The following TXLNA variants were observed in gnomAD, a reference collection of about 807,000 sequenced individuals.
The protein encoded by TXLNA is alpha-taxilin.
Under a neutral mutation model 61.4 loss-of-function variants are expected in TXLNA, and 9 were observed. That is an observed-to-expected ratio of 0.15 (90% CI 0.09 to 0.26). TXLNA has a LOEUF of 0.26. TXLNA is among the 10% of genes least tolerant of loss of function. TXLNA has a pLI of 1.00. For synonymous variants in TXLNA, 257 were observed against 267.7 expected (o/e 0.96, Z 0.39); for missense variants, 565 against 688.8 (o/e 0.82, Z 2.01).
intron 6 of TXLNA, 65 bp downstream of exon 6, chr1:32,190,314 C>G (rs1642878419): frequency 6.8e-7 from 1 of 1,460,904 alleles, no homozygotes; most frequent in Non-Finnish European, 9.3e-7. Context: ...GTGCTAGGCA[C>G]TGGGACAGTA....
Position 32,192,258 on chromosome 1 carries a change from C to T in TXLNA, c.964-53C>T. On this transcript the variant is annotated intron_variant, in intron 6 of 10. Coordinates refer to ENST00000373610, the MANE Select transcript of TXLNA (RefSeq NM_175852.4). The surrounding 1 kb of genome is among the most constrained non-coding windows in gnomAD (Gnocchi z 4.2). ...CCCTGGTCTGTGGCTGTGGGGCTAC[C>T]CTGAGAAAGGGAGCGCCTGACAAGC... is the stretch of plus-strand genomic sequence containing the variant. 1 of 1,603,556 alleles carries T rather than the reference C, an allele frequency of 6.2e-7. No homozygotes were observed. Among genetic ancestry groups the T allele is most frequent in the South Asian group, 1.1e-5 (1 of 90,012 alleles).
At chr1:32,180,660 C>A in intron 2 of TXLNA, 146 bp downstream of exon 2, 1 of 1,090,792 alleles carries the variant, frequency 9.2e-7, no homozygotes, top group Non-Finnish European at 1.3e-6. Context: ...GTCCCCCCTG[C>A]GCTCTGGCGA....
chr1:32,190,384 T>C (rs1410007067), intron 6 of TXLNA, 135 bp downstream of exon 6: 2 of 852,276 alleles, frequency 2.3e-6, no homozygotes, highest in East Asian at 2.8e-5. Context: ...GGGAGGAGAG[T>C]AATGTTATTC....
intron 3 of TXLNA, among the ~76,000 whole-genome samples, chr1:32,184,036 C>T (rs987585613): frequency 1.3e-5 from 2 of 152,208 alleles, no homozygotes; most frequent in African/African-American, 4.8e-5. Flanking sequence ...CTTGCCTGGC[C>T]GAAAGTATCT....
intron 10 of TXLNA, among the ~76,000 whole-genome samples, chr1:32,194,611 G>A (rs1187320421): frequency 6.6e-6 from 1 of 152,142 alleles, no homozygotes; most frequent in Non-Finnish European, 1.5e-5. Flanking sequence ...CTCTGAGGAT[G>A]GTATTAGTAG....
rs1158652242 is a variant in TXLNA, at chr1:32,195,748, T to C, written c.*553T>C. 3.3e-5 allele frequency: 15 copies of C among 456,202 alleles called. No homozygotes were observed. Among genetic ancestry groups the C allele is most frequent in the Non-Finnish European group, 5.7e-5 (13 of 227,010 alleles). The allele number at this position is 456,202 out of a possible 1,614,324, so 28.3% of individuals were successfully genotyped here. On this transcript the variant is annotated 3_prime_UTR_variant, in exon 11 of 11. Transcript: ENST00000373610. ...CTGGCAGGGCGCTCAGAGCTGGGGA[T>C]TTCCTGCCTGGAACAAGGGACCTGG...
Position 32,180,464 on chromosome 1 carries a change from C to G in TXLNA, c.119C>G (p.Ala40Gly). 2 of 1,611,992 alleles carry G rather than the reference C, an allele frequency of 1.2e-6. No individual in the cohort carries two copies. The highest frequency in any genetic ancestry group is 1.7e-6 in the Non-Finnish European group (2 of 1,179,048). The change falls in exon 2 of 11, where the codon GCA (alanine) becomes GGA (glycine). Residue 40 changes from alanine (A) to glycine (G), a missense_variant. Physicochemically the swap from Ala to Gly is moderately conservative, Grantham distance 60. This residue lies in a region of TXLNA where 192 missense variants were observed against 184.8 expected (regional missense o/e 1.04). Transcript: ENST00000373610. The stretch of plus-strand genomic sequence containing the variant: ...GAGCGGCCCAGCCAGGCGGCTCCTG[C>G]AGTAGAAGCAGAAGGTCCCGGCAGC... ...AQERPSQAAPAVEAEGPGSSQ... is the reference protein window; with the variant it reads ...AQERPSQAAPGVEAEGPGSSQ...
At position 32,180,563 on chromosome 1, in the gene TXLNA, G is replaced by C. The variant is rs563364793; in HGVS notation, c.169+49G>C. ...AGCGGGCAGGGGGAGGAGCTGTGGG[G>C]TCGGCCTCGCTTCTGGACTTACAGG... On this transcript the variant is annotated intron_variant, in intron 2 of 10. Coordinates refer to ENST00000373610, the MANE Select transcript of TXLNA (RefSeq NM_175852.4). 2.0e-4 allele frequency: 313 copies of C among 1,537,240 alleles called. 2 individuals carry two copies. The South Asian group carries it at 2.9e-3, about 14-fold the overall frequency.
intron 4 of TXLNA, among the ~76,000 whole-genome samples, chr1:32,184,889 T>C (rs1340280269): frequency 6.6e-6 from 1 of 152,238 alleles, no homozygotes; most frequent in African/African-American, 2.4e-5. Flanking sequence ...CACCTTGTGA[T>C]CTTGATGCTT....
In TXLNA at chr1:32,181,102, TCTTG is replaced by T. The variant is rs1642645940; in HGVS notation, c.170-136_170-133del. 5 of 597,938 alleles carry T rather than the reference TCTTG, an allele frequency of 8.4e-6. No individual in the cohort carries two copies. The Admixed American group carries it at 1.1e-4, about 13-fold the overall frequency. 37.0% of individuals were successfully genotyped at this position (597,938 alleles called of 1,614,324 possible). ...CTAGATTTGCTGAATGATACTCCAT[TCTTG>T]CTTCTCAGTTTCCATAAAAAAAAAA... On this transcript the variant is annotated intron_variant, in intron 2 of 10. Transcript: ENST00000373610.
chr1:32,195,261 C>T lies in TXLNA; in HGVS notation c.*66C>T. ...CCAGCCAGGCCTGGCCCATAAAAGGCTCCCATGCTGAGCAGCCCATTGCTG... is the reference window on the plus strand; with the variant it reads ...CCAGCCAGGCCTGGCCCATAAAAGGTTCCCATGCTGAGCAGCCCATTGCTG... On this transcript the variant is annotated 3_prime_UTR_variant, in exon 11 of 11. Coordinates refer to ENST00000373610, the MANE Select transcript of TXLNA (RefSeq NM_175852.4). The T allele has an allele frequency of 1.3e-6, 2 of 1,486,216 alleles. No homozygotes were observed. The highest frequency in any genetic ancestry group is 9.0e-7 in the Non-Finnish European group (1 of 1,114,610). The allele number at this position is 1,486,216 out of a possible 1,614,324, so 92.1% of individuals were successfully genotyped here. A position where few individuals can be genotyped will look rare whatever the true frequency, so the allele number is the denominator to read the frequency against.
At chr1:32,191,218 A>T (rs992422844) in intron 6 of TXLNA, among the ~76,000 whole-genome samples, 1 of 151,806 alleles carries the variant, frequency 6.6e-6, no homozygotes, top group Non-Finnish European at 1.5e-5. Flanking sequence ...CGTTCTCATC[A>T]TGAGAAGGGA....
At chr1:32,183,546 C>A (rs1327284275) in intron 3 of TXLNA, among the ~76,000 whole-genome samples, 1 of 147,842 alleles carries the variant, frequency 6.8e-6, no homozygotes, top group African/African-American at 2.5e-5. Context: ...CCTGCCTCAG[C>A]CTCCCGAGTA....
Position 32,192,836 on chromosome 1 carries a change from C to T in TXLNA, c.1158+105C>T. On this transcript the variant is annotated intron_variant, in intron 8 of 10. Transcript: ENST00000373610. This position sits in a 1 kb window ranked among gnomAD's most constrained non-coding sequence, Gnocchi z 4.2. ...CATTCTAGGACTGGCTGTGTCCTGGCTGCTATGACGCCTTGGTTGAGCCTT... is the reference window on the plus strand; with the variant it reads ...CATTCTAGGACTGGCTGTGTCCTGGTTGCTATGACGCCTTGGTTGAGCCTT... 1 of 1,171,740 alleles carries T rather than the reference C, an allele frequency of 8.5e-7. No individual in the cohort carries two copies. The highest frequency in any genetic ancestry group is 1.3e-6 in the Non-Finnish European group (1 of 797,444). The allele number at this position is 1,171,740 out of a possible 1,614,324, so 72.6% of individuals were successfully genotyped here.
chr1:32,184,278 C>A (rs551561890), intron 3 of TXLNA, among the ~76,000 whole-genome samples: 64 of 152,262 alleles, frequency 4.2e-4, no homozygotes, highest in Non-Finnish European at 6.5e-4. Context: ...GGAGATTTCA[C>A]TAGGGTACAG....
intron 5 of TXLNA, among the ~76,000 whole-genome samples, chr1:32,188,962 C>G (rs763596968): frequency 1.3e-5 from 2 of 152,018 alleles, no homozygotes; most frequent in African/African-American, 2.4e-5. Flanking sequence ...TTTTAACTTT[C>G]TTTTTTATAT....
At chr1:32,188,853 T>C (rs1642844684) in intron 5 of TXLNA, among the ~76,000 whole-genome samples, 1 of 152,240 alleles carries the variant, frequency 6.6e-6, no homozygotes, top group Admixed American at 6.5e-5. Context: ...AAGCAGCTCT[T>C]GTCCCAGACG....
chr1:32,192,860 T>A lies in TXLNA; in HGVS notation c.1158+129T>A, dbSNP rs776003771. ...GCTGCTATGACGCCTTGGTTGAGCC[T>A]TTGTTCTCTCCGGACCTGCACAGTA... On this transcript the variant is annotated intron_variant, in intron 8 of 10. Transcript: ENST00000373610. The surrounding 1 kb of genome is among the most constrained non-coding windows in gnomAD (Gnocchi z 4.2). 2.1e-6 allele frequency: 2 copies of A among 949,882 alleles called. No individual in the cohort carries two copies. The highest frequency in any genetic ancestry group is 3.2e-6 in the Non-Finnish European group (2 of 618,966). 58.8% of individuals were successfully genotyped at this position (949,882 alleles called of 1,614,324 possible).
At chr1:32,189,127 A>G (rs1278809032) in intron 5 of TXLNA, among the ~76,000 whole-genome samples, 2 of 152,170 alleles carry the variant, frequency 1.3e-5, no homozygotes, top group East Asian at 1.9e-4. Context: ...TGCCCTAGTT[A>G]AAGCATTTTG....
Sources: allele counts gnomAD v4.1 joint callset (sites outside exome capture counted in the v4.1 genomes callset), GRCh38; gene constraint gnomAD v4.1.1; regional missense constraint gnomAD v4.1.1; non-coding constraint Gnocchi (gnomAD v3.1); transcripts MANE v1.5; gene names NCBI Gene and HGNC (gene_info 2026-07-23, HGNC 2026-07-21).